Variants in RADX observed in about 807,000 individuals in gnomAD.
The protein encoded by RADX is RPA-related protein RADX.
RADX carries 36 observed loss-of-function variants against 61.6 expected under a neutral mutation model. The observed-to-expected ratio is 0.58, with a 90% CI of 0.45 to 0.77. The LOEUF (loss-of-function observed/expected upper bound fraction) is 0.77, where lower values mean the gene tolerates loss of function less well. Ranked by LOEUF, RADX falls within the 30% of genes least tolerant of loss-of-function variation. The pLI is 0.00. For synonymous variants in RADX, 272 were observed against 237.9 expected (o/e 1.14, Z -1.32); for missense variants, 497 against 651.1 (o/e 0.76, Z 2.58).
intron 11 of RADX, among the ~76,000 whole-genome samples, chrX:106,661,261 A>AG (rs1928083911): frequency 9.0e-6 from 1 of 111,274 alleles, no homozygotes; most frequent in Non-Finnish European, 1.9e-5. Flanking sequence ...ACAAAAATTG[A>AG]GGGGGTCTTT....
At chrX:106,651,674 A>T (rs1425930437) in intron 11 of RADX, among the ~76,000 whole-genome samples, 1 of 111,620 alleles carries the variant, frequency 9.0e-6, no homozygotes, top group Admixed American at 9.6e-5. Flanking sequence ...AAGCATTCTA[A>T]GATCATTGTA....
At position 106,632,864 on chromosome X, in the gene RADX, A is replaced by AAAT. The variant is rs4039713; in HGVS notation, c.1089-64_1089-62dup. On this transcript the variant is annotated intron_variant, in intron 4 of 13. Transcript: ENST00000372548. Reference sequence around the variant, plus strand: ...GCAATTATGTAGATATACATTTTCAAAATAATTGTAGAATGCTTTTTCACT... The same window carrying AAAT: ...GCAATTATGTAGATATACATTTTCAAAATAATAATTGTAGAATGCTTTTTCACT... 22,496 of 1,035,898 alleles carry AAAT rather than the reference A, an allele frequency of 0.022. 2,868 individuals are homozygous for AAAT. In the African/African-American group the frequency reaches 0.38, roughly 17 times the overall value. 85.4% of individuals were successfully genotyped at this position (1,035,898 alleles called of 1,213,427 possible).
rs781521692 is a variant in RADX at position 106,674,029 on chromosome X, C to T, written c.2438-4099C>T. Among the ~76,000 whole-genome samples the T allele has an allele frequency of 2.3e-3, 257 of 111,056 alleles. 3 individuals carry two copies. Among genetic ancestry groups the T allele is most frequent in the African/African-American group, 8.2e-3 (249 of 30,533 alleles). On this transcript the variant is annotated intron_variant, in intron 13 of 13. Transcript: ENST00000372548. ...CTCTCTGTACCCTGCCATGGCTGCA[C>T]CGGGGTGGGGGGTGGTATTGGTGAT... is the stretch of plus-strand genomic sequence containing the variant.
chrX:106,643,610 T>G (rs1004523658), intron 10 of RADX, among the ~76,000 whole-genome samples: 5 of 111,606 alleles, frequency 4.5e-5, no homozygotes, highest in African/African-American at 9.8e-5. Context: ...TGTATGTTCT[T>G]GGCACCTTTG....
At chrX:106,649,922 A>C (rs1421508142) in intron 11 of RADX, among the ~76,000 whole-genome samples, 2 of 111,518 alleles carry the variant, frequency 1.8e-5, no homozygotes, top group Non-Finnish European at 3.8e-5. Context: ...CAGGTGCCAG[A>C]AACAAAAAAG....
intron 11 of RADX, among the ~76,000 whole-genome samples, chrX:106,653,884 G>T (rs1040053674): frequency 6.3e-5 from 7 of 111,548 alleles, no homozygotes; most frequent in Non-Finnish European, 1.1e-4. Flanking sequence ...TTTTATGGCT[G>T]CATAGTATTC....
intron 11 of RADX, among the ~76,000 whole-genome samples, chrX:106,649,258 G>A (rs775833172): frequency 2.7e-5 from 3 of 110,090 alleles, no homozygotes; most frequent in South Asian, 3.7e-4. Flanking sequence ...CGGACTTATG[G>A]AGAAAAAGAT....
chrX:106,622,624 A>G (rs979879523), intron 1 of RADX, 27 bp from the exon 2 acceptor site: 1 of 1,045,614 alleles, frequency 9.6e-7, no homozygotes, highest in Non-Finnish European at 1.3e-6. Context: ...GTTAAACAGG[A>G]TTTCTTTCCT....
chrX:106,655,737 A>C (rs1373283111), intron 11 of RADX, among the ~76,000 whole-genome samples: 1 of 111,476 alleles, frequency 9.0e-6, no homozygotes, highest in Non-Finnish European at 1.9e-5. Flanking sequence ...AATCCAGTCT[A>C]TCATTGATGG....
intron 1 of RADX, among the ~76,000 whole-genome samples, chrX:106,617,609 A>G (rs1322084743): frequency 8.9e-6 from 1 of 111,877 alleles, no homozygotes; most frequent in Non-Finnish European, 1.9e-5. Flanking sequence ...CACTTTATCA[A>G]TATGGAATTT....
chrX:106,668,616 G>T (rs1485818042), intron 12 of RADX, among the ~76,000 whole-genome samples: 1 of 111,836 alleles, frequency 8.9e-6, no homozygotes, highest in East Asian at 2.8e-4. Flanking sequence ...CAAAGGTCAG[G>T]ATTCACTTTA....
intron 9 of RADX, 166 bp downstream of exon 9, chrX:106,639,853 A>G (rs1927462694): frequency 3.1e-6 from 1 of 323,732 alleles, no homozygotes; most frequent in African/African-American, 2.9e-5. Flanking sequence ...TTTTGCCTAT[A>G]AAAGTAATGG....
At chrX:106,661,372 GTT>G (rs10550139) in intron 11 of RADX, among the ~76,000 whole-genome samples, 8,273 of 85,789 alleles carry the variant, frequency 0.096, 978 homozygotes, top group African/African-American at 0.33. Flanking sequence ...TTTTTTTCTT[GTT>G]TTTTTTTTTT....
intron 11 of RADX, among the ~76,000 whole-genome samples, chrX:106,653,484 G>A (rs936471545): frequency 1.8e-5 from 2 of 108,975 alleles, no homozygotes; most frequent in South Asian, 3.9e-4. Context: ...CTAATCAATA[G>A]CAGGGCTTAA....
intron 3 of RADX, among the ~76,000 whole-genome samples, chrX:106,627,079 T>A (rs912321582): frequency 8.9e-6 from 1 of 112,314 alleles, no homozygotes; most frequent in Admixed American, 9.5e-5. Context: ...GCCTGTAGTT[T>A]GCCTAGCCTA....
chrX:106,630,655 A>G (rs1927193977), intron 3 of RADX, among the ~76,000 whole-genome samples: 1 of 111,524 alleles, frequency 9.0e-6, no homozygotes, highest in South Asian at 3.8e-4. Context: ...TACCAAACTA[A>G]TGCAGGAACA....
intron 10 of RADX, among the ~76,000 whole-genome samples, chrX:106,645,960 T>G (rs1008916389): frequency 9.0e-6 from 1 of 110,908 alleles, no homozygotes; most frequent in African/African-American, 3.3e-5. Context: ...ATATTTAAAA[T>G]TGTTATATTG....
intron 13 of RADX, among the ~76,000 whole-genome samples, chrX:106,676,828 A>C (rs769303159): frequency 8.9e-6 from 1 of 112,158 alleles, no homozygotes; most frequent in Admixed American, 9.5e-5. Context: ...GGTCAGCCAC[A>C]GATGAGTGAT....
chrX:106,676,666 C>T (rs947058338), intron 13 of RADX, among the ~76,000 whole-genome samples: 3 of 112,231 alleles, frequency 2.7e-5, no homozygotes, highest in African/African-American at 6.5e-5. Flanking sequence ...TTGACAGTTT[C>T]CTTAAACACC....
Sources: gnomAD v4.1 joint callset for allele counts (sites outside exome capture counted in the v4.1 genomes callset) on GRCh38, gnomAD v4.1.1 for gene constraint, MANE v1.5 for transcripts, NCBI Gene and HGNC (gene_info 2026-07-23, HGNC 2026-07-21) for gene names.